The following ZNF746 variants were observed in gnomAD, a reference collection of about 807,000 sequenced individuals.
The protein encoded by ZNF746 is zinc finger protein 746.
A neutral mutation model predicts 41.0 loss-of-function variants in ZNF746; 13 were observed. The observed-to-expected ratio is 0.32, with a 90% CI of 0.21 to 0.50. The LOEUF (loss-of-function observed/expected upper bound fraction) is 0.50. Among genes scored for constraint, ZNF746 ranks in the 20% least tolerant of loss-of-function variants. ZNF746 has a pLI of 0.98. For synonymous variants in ZNF746, 424 were observed against 396.2 expected (o/e 1.07, Z -0.83); for missense variants, 811 against 922.9 (o/e 0.88, Z 1.57).
At chr7:149,477,502 C>T (rs769215970) in intron 5 of ZNF746, 62 bp downstream of exon 5, 77 of 1,522,822 alleles carry the variant, frequency 5.1e-5, no homozygotes, top group Non-Finnish European at 6.6e-5. Flanking sequence ...GCCACGAGCC[C>T]TCCCCTGTCC....
chr7:149,477,145 C>CA (rs1205481839), intron 5 of ZNF746, 98 bp from the exon 6 acceptor site: 1 of 1,427,820 alleles, frequency 7.0e-7, no homozygotes, highest in African/African-American at 1.4e-5. Flanking sequence ...GAGGTCCCCC[C>CA]ACTGGGGGCT....
At chr7:149,480,479 C>A (rs1800453149) in intron 4 of ZNF746, among the ~76,000 whole-genome samples, 3 of 152,282 alleles carry the variant, frequency 2.0e-5, no homozygotes, top group South Asian at 4.1e-4. Flanking sequence ...GTTGCCCAGG[C>A]TGGAGTGCAG....
At position 149,474,388 on chromosome 7, in the gene ZNF746, A is replaced by G. The variant is rs1346089824; in HGVS notation, c.1979T>C (p.Met660Thr). 3.1e-6 allele frequency: 5 copies of G among 1,604,306 alleles called. No homozygotes were observed. The highest frequency in any genetic ancestry group is 3.4e-6 in the Non-Finnish European group (4 of 1,175,938). The change falls in exon 7 of 7, where the codon ATG becomes ACG. Residue 660 changes from methionine (M) to threonine (T), a missense_variant. This residue lies in a region of ZNF746 where 99 missense variants were observed against 80.3 expected (regional missense o/e 1.23). Transcript: ENST00000458143. This position sits in a 1 kb window ranked among gnomAD's most constrained non-coding sequence, Gnocchi z 6.3. Reference sequence around the variant, plus strand: ...GGGCTATGGGGCTGGAGGCGCTCACATGTCCCCGCCATCGGTGGGTCCCAG... The same window carrying G: ...GGGCTATGGGGCTGGAGGCGCTCACGTGTCCCCGCCATCGGTGGGTCCCAG... ...SVLGPTDGGD[M>T]
At position 149,474,973 on chromosome 7, in the gene ZNF746, C is replaced by T. The variant is rs1447075529; in HGVS notation, c.1394G>A (p.Gly465Glu). ...GLKKHPAAPP[G>E]GRPFTCATCG... The stretch of plus-strand genomic sequence containing the variant: ...CGTGGCGCAGGTGAAGGGCCGGCCC[C>T]CGGGGGGCGCCGCGGGGTGCTTCTT... The change falls in exon 7 of 7, where the codon GGG becomes GAG. Residue 465 changes from glycine to glutamate, a missense_variant. Gly to Glu is a moderately conservative substitution (Grantham distance 98, BLOSUM62 -2). Transcript: ENST00000458143. This position sits in a 1 kb window ranked among gnomAD's most constrained non-coding sequence, Gnocchi z 6.3. 4.5e-5 allele frequency: 69 copies of T among 1,548,144 alleles called. No homozygotes were observed. Among genetic ancestry groups the T allele is most frequent in the Non-Finnish European group, 5.8e-5 (67 of 1,146,568 alleles).
chr7:149,477,834 T>C lies in ZNF746; in HGVS notation c.566-79A>G, dbSNP rs377334072. ...GCATACACGCATCCAGCCGGAGAGA[T>C]AGACACAGGGGCCTTACAAGGGTCC... On this transcript the variant is annotated intron_variant, in intron 4 of 6. Coordinates refer to ENST00000458143, the MANE Select transcript of ZNF746 (RefSeq NM_001394198.1). The C allele has an allele frequency of 9.5e-6, 12 of 1,256,924 alleles. No individual in the cohort carries two copies. In the East Asian group the frequency reaches 1.0e-4, roughly 11 times the overall value. The allele number at this position is 1,256,924 out of a possible 1,614,324, so 77.9% of individuals were successfully genotyped here.
chr7:149,488,963 G>A (rs1457100568), intron 4 of ZNF746: 1 of 152,170 alleles, frequency 6.6e-6, no homozygotes, highest in African/African-American at 2.4e-5. Context: ...CAATATAGTT[G>A]CTTCTGGAAT....
Position 149,494,503 on chromosome 7 carries a change from T to A in ZNF746, c.25A>T (p.Ile9Phe). Residue 9 changes from isoleucine to phenylalanine, a missense_variant and splice_region_variant, in exon 2 of 7, where the codon ATT (isoleucine) becomes TTT (phenylalanine). This residue lies in a region of ZNF746 where 147 missense variants were observed against 233.4 expected (regional missense o/e 0.63). Coordinates refer to ENST00000458143, the MANE Select transcript of ZNF746 (RefSeq NM_001394198.1). The surrounding 1 kb of genome is among the most constrained non-coding windows in gnomAD (Gnocchi z 5.6). The stretch of plus-strand genomic sequence containing the variant: ...GTGGCTGCCATCGTCCACGGAGAAA[T>A]CTTTCAGAAACAAAAGAGAAACTGG... MAEAVAAP[I>F]SPWTMAATIQ... 1 of 1,612,906 alleles carries A rather than the reference T, an allele frequency of 6.2e-7. No homozygotes were observed. Among genetic ancestry groups the A allele is most frequent in the Non-Finnish European group, 8.5e-7 (1 of 1,179,126 alleles).
chr7:149,485,371 T>C (rs976874262), intron 4 of ZNF746, among the ~76,000 whole-genome samples: 2 of 152,184 alleles, frequency 1.3e-5, no homozygotes, highest in Admixed American at 1.3e-4. Context: ...TCATGGAACT[T>C]GATAAGGCAG....
intron 4 of ZNF746, chr7:149,489,299 A>AT (rs1345780838): frequency 6.6e-6 from 1 of 152,198 alleles, no homozygotes; most frequent in Non-Finnish European, 1.5e-5. Context: ...AACAGCATAC[A>AT]TTCAGCAAAT....
At chr7:149,496,454 A>C (rs1800999666) in intron 1 of ZNF746, among the ~76,000 whole-genome samples, 1 of 152,054 alleles carries the variant, frequency 6.6e-6, no homozygotes, top group Admixed American at 6.6e-5. Flanking sequence ...TCCACTGCCC[A>C]CCCGCAGGAT....
At position 149,474,828 on chromosome 7, in the gene ZNF746, G is replaced by GCCA; in HGVS notation, c.1536_1538dup (p.Gly514dup). 1 of 1,419,016 alleles carries GCCA rather than the reference G, an allele frequency of 7.0e-7. No homozygotes were observed. The highest frequency in any genetic ancestry group is 9.2e-7 in the Non-Finnish European group (1 of 1,092,896). The allele number at this position is 1,419,016 out of a possible 1,614,324, so 87.9% of individuals were successfully genotyped here. ...CCCGTGCGCTGCCCCCACCGCTGCC[G>GCCA]CCACCGCCGCCGCCACTGCCGCTGC... On this transcript the variant is annotated inframe_insertion, in exon 7 of 7. Coordinates refer to ENST00000458143, the MANE Select transcript of ZNF746 (RefSeq NM_001394198.1). The surrounding 1 kb of genome is among the most constrained non-coding windows in gnomAD (Gnocchi z 6.3).
At chr7:149,481,615 TACAC>T (rs973642776) in intron 4 of ZNF746, among the ~76,000 whole-genome samples, 27 of 152,176 alleles carry the variant, frequency 1.8e-4, no homozygotes, top group African/African-American at 6.5e-4. Context: ...TAAACTCATA[TACAC>T]ACACAAACTG....
intron 6 of ZNF746, among the ~76,000 whole-genome samples, chr7:149,476,229 C>T (rs916441700): frequency 5.9e-5 from 8 of 136,662 alleles, no homozygotes; most frequent in Admixed American, 1.6e-4. Flanking sequence ...AGGAGAATGG[C>T]GTGAACCCGG....
At chr7:149,485,881 A>G (rs762523207) in intron 4 of ZNF746, among the ~76,000 whole-genome samples, 1 of 151,998 alleles carries the variant, frequency 6.6e-6, no homozygotes, top group Non-Finnish European at 1.5e-5. Context: ...TCTACTAAAA[A>G]TACAAAAATT....
In ZNF746 at chr7:149,494,585, A is replaced by G; in HGVS notation, c.25-82T>C. 6.4e-7 allele frequency: 1 copy of G among 1,554,522 alleles called. No homozygotes were observed. The highest frequency in any genetic ancestry group is 2.2e-5 in the East Asian group (1 of 44,482). Reference sequence around the variant, plus strand: ...GCCCCTCTCTCCCTAGGCACGGGGGAGTTGGGCTGGGAGTCCATATGTGTG... The same window carrying G: ...GCCCCTCTCTCCCTAGGCACGGGGGGGTTGGGCTGGGAGTCCATATGTGTG... On this transcript the variant is annotated intron_variant, in intron 1 of 6. Transcript: ENST00000458143. This position sits in a 1 kb window ranked among gnomAD's most constrained non-coding sequence, Gnocchi z 5.6.
intron 4 of ZNF746, among the ~76,000 whole-genome samples, chr7:149,487,453 GA>G (rs1800661702): frequency 6.6e-6 from 1 of 152,166 alleles, no homozygotes; most frequent in Admixed American, 6.5e-5. Context: ...CCACAGACAG[GA>G]TGCTACTATC....
intron 6 of ZNF746, among the ~76,000 whole-genome samples, chr7:149,476,517 G>A (rs1157711414): frequency 6.6e-6 from 1 of 152,022 alleles, no homozygotes; most frequent in Non-Finnish European, 1.5e-5. Flanking sequence ...ATTTGGTGGT[G>A]GTTCTTCTGA....
chr7:149,489,692 C>G (rs912240370), intron 4 of ZNF746: 2 of 152,924 alleles, frequency 1.3e-5, no homozygotes, highest in African/African-American at 4.8e-5. Flanking sequence ...GCTGACGGTG[C>G]GGGTCAGATG....
chr7:149,482,238 A>G (rs1800504639), intron 4 of ZNF746, among the ~76,000 whole-genome samples: 2 of 152,206 alleles, frequency 1.3e-5, no homozygotes, highest in Non-Finnish European at 2.9e-5. Flanking sequence ...TTCAGACTAA[A>G]ACCAAACAAA....
Sources: gnomAD v4.1 joint callset for allele counts (sites outside exome capture counted in the v4.1 genomes callset) on GRCh38, gnomAD v4.1.1 for gene constraint, gnomAD v4.1.1 regional missense constraint, Gnocchi (gnomAD v3.1) non-coding constraint, MANE v1.5 for transcripts, NCBI Gene and HGNC (gene_info 2026-07-23, HGNC 2026-07-21) for gene names.